The following SLC10A7 variants were observed in gnomAD, a reference collection of about 807,000 sequenced individuals.
The protein encoded by SLC10A7 is solute carrier family 10 member 7, also known as sodium/bile acid cotransporter 7.
A neutral mutation model predicts 43.2 loss-of-function variants in SLC10A7; 29 were observed. The observed-to-expected ratio is 0.67, with a 90% confidence interval of 0.50 to 0.92. The LOEUF (loss-of-function observed/expected upper bound fraction) is 0.92. Ranked by LOEUF, SLC10A7 falls within the 40% of genes least tolerant of loss-of-function variation. SLC10A7 has a pLI of 0.00. For missense variants in SLC10A7, 295 were observed against 403.2 expected (o/e 0.73, Z 2.30); for synonymous variants, 152 against 144.8 (o/e 1.05, Z -0.35).
At chr4:146,379,060 A>T (rs1190439547) in intron 5 of SLC10A7, among the ~76,000 whole-genome samples, 3 of 152,216 alleles carry the variant, frequency 2.0e-5, no homozygotes, top group Non-Finnish European at 4.4e-5. Context: ...CTTTGACCCA[A>T]CTTCTGACCT....
intron 4 of SLC10A7, among the ~76,000 whole-genome samples, chr4:146,476,452 C>A (rs1467155890): frequency 1.3e-5 from 2 of 152,068 alleles, no homozygotes; most frequent in Non-Finnish European, 2.9e-5. Flanking sequence ...ACCTTTCAGT[C>A]TTCTCTTTAG....
chr4:146,331,083 A>G (rs1288660497), intron 5 of SLC10A7, among the ~76,000 whole-genome samples: 1 of 152,076 alleles, frequency 6.6e-6, no homozygotes, highest in Non-Finnish European at 1.5e-5. Context: ...ACCCTACAGT[A>G]AGTTTTCTCT....
intron 2 of SLC10A7, among the ~76,000 whole-genome samples, chr4:146,510,823 T>G (rs528720464): frequency 6.6e-6 from 1 of 152,342 alleles, no homozygotes; most frequent in South Asian, 2.1e-4. Context: ...AGTCCTCAAT[T>G]TGGCAAGATG....
chr4:146,354,432 A>C (rs575911911), intron 5 of SLC10A7, among the ~76,000 whole-genome samples: 1 of 152,072 alleles, frequency 6.6e-6, no homozygotes, highest in South Asian at 2.1e-4. Flanking sequence ...ATGGGTAGGA[A>C]GAATCAATAT....
At position 146,477,467 on chromosome 4, in the gene SLC10A7, C is replaced by T. The variant is rs962111636; in HGVS notation, c.396+26382G>A. Reference sequence around the variant, plus strand: ...TAATTAGAGTTTTACTCATCCCTTGCATAAATTCAGCTGAAAGTTTTTAGG... The same window carrying T: ...TAATTAGAGTTTTACTCATCCCTTGTATAAATTCAGCTGAAAGTTTTTAGG... On this transcript the variant is annotated intron_variant, in intron 4 of 11. Transcript: ENST00000335472. Among the ~76,000 whole-genome samples, 3 of 152,190 alleles carry T rather than the reference C, an allele frequency of 2.0e-5. No individual in the cohort carries two copies. In the East Asian group the frequency reaches 5.8e-4, roughly 29 times the overall value.
intron 5 of SLC10A7, among the ~76,000 whole-genome samples, chr4:146,363,078 AT>A (rs1211428591): frequency 6.6e-6 from 1 of 152,108 alleles, no homozygotes; most frequent in Non-Finnish European, 1.5e-5. Flanking sequence ...GGCTAAGTAG[AT>A]TTTTTAAAAC....
intron 4 of SLC10A7, among the ~76,000 whole-genome samples, chr4:146,482,752 C>T (rs1734583092): frequency 6.6e-6 from 1 of 151,966 alleles, no homozygotes; most frequent in African/African-American, 2.4e-5. Flanking sequence ...TCAAAGTTCC[C>T]AAATTGATCA....
intron 2 of SLC10A7, chr4:146,514,424 A>G (rs1737764295): frequency 6.6e-6 from 1 of 152,238 alleles, no homozygotes; most frequent in Non-Finnish European, 1.5e-5. Context: ...AGTGAACTAA[A>G]TATGAATTTT....
intron 10 of SLC10A7, among the ~76,000 whole-genome samples, chr4:146,270,838 G>C (rs1244346687): frequency 6.6e-6 from 1 of 152,214 alleles, no homozygotes; most frequent in Non-Finnish European, 1.5e-5. Context: ...GCATTAATAA[G>C]GCAAATTAAG....
chr4:146,334,046 G>T (rs138368739), intron 5 of SLC10A7, among the ~76,000 whole-genome samples: 74 of 152,114 alleles, frequency 4.9e-4, no homozygotes, highest in African/African-American at 1.6e-3. Flanking sequence ...ACAGAAGGAA[G>T]AACAGTTTCT....
intron 5 of SLC10A7, among the ~76,000 whole-genome samples, chr4:146,363,477 A>T (rs890046016): frequency 1.3e-5 from 2 of 152,090 alleles, no homozygotes; most frequent in African/African-American, 4.8e-5. Context: ...CAACAAAGAA[A>T]TATCAATCTG....
rs367603430 is a variant in SLC10A7, at chr4:146,325,932, T to C, written c.471+29A>G. On this transcript the variant is annotated intron_variant, in intron 6 of 11. Transcript: ENST00000335472. ...GGGTTGTAGATAGCTTTTAATAAAA[T>C]ATATTAAAGACAACATCAAAATACT... 4 of 1,595,166 alleles carry C rather than the reference T, an allele frequency of 2.5e-6. No homozygotes were observed. In the African/African-American group the frequency reaches 5.4e-5, roughly 22 times the overall value.
At chr4:146,451,070 T>C (rs1731540834) in intron 4 of SLC10A7, among the ~76,000 whole-genome samples, 1 of 151,242 alleles carries the variant, frequency 6.6e-6, no homozygotes, top group South Asian at 2.1e-4. Context: ...GGCAAAACTT[T>C]AACACTTTTA....
At chr4:146,317,103 T>G (rs923623092) in intron 6 of SLC10A7, among the ~76,000 whole-genome samples, 1 of 152,062 alleles carries the variant, frequency 6.6e-6, no homozygotes, top group Non-Finnish European at 1.5e-5. Flanking sequence ...TCTCTACAAA[T>G]AGAGTGTGAG....
At position 146,361,531 on chromosome 4, in the gene SLC10A7, C is replaced by A. The variant is rs573395429; in HGVS notation, c.436-35535G>T. Among the ~76,000 whole-genome samples, 7 of 152,184 alleles carry A rather than the reference C, an allele frequency of 4.6e-5. No homozygotes were observed. The South Asian group carries it at 1.0e-3, about 23-fold the overall frequency. On this transcript the variant is annotated intron_variant, in intron 5 of 11. Coordinates refer to ENST00000335472, the MANE Select transcript of SLC10A7 (RefSeq NM_001029998.6). Reference sequence around the variant, plus strand: ...CAGTATTGCTGGGCTTATGGCACCCCCCTAGTGCTGAAATGGCTGCAGTGA... The same window carrying A: ...CAGTATTGCTGGGCTTATGGCACCCACCTAGTGCTGAAATGGCTGCAGTGA...
At chr4:146,326,343 T>A (rs985757231) in intron 5 of SLC10A7, among the ~76,000 whole-genome samples, 1 of 152,188 alleles carries the variant, frequency 6.6e-6, no homozygotes, top group African/African-American at 2.4e-5. Flanking sequence ...CTAACTTGGA[T>A]AAAATGCCCC....
intron 5 of SLC10A7, among the ~76,000 whole-genome samples, chr4:146,330,771 G>C (rs1402886875): frequency 6.6e-6 from 1 of 152,144 alleles, no homozygotes; most frequent in Admixed American, 6.5e-5. Flanking sequence ...ATACAGATGG[G>C]AACTGTGATG....
intron 7 of SLC10A7, among the ~76,000 whole-genome samples, chr4:146,305,091 C>G (rs1489069862): frequency 3.3e-5 from 5 of 151,050 alleles, no homozygotes; most frequent in Middle Eastern, 3.4e-3. Context: ...ACCCAAAGGA[C>G]TATAAGTCAT....
At chr4:146,262,408 G>C (rs1051481732) in intron 10 of SLC10A7, among the ~76,000 whole-genome samples, 2 of 152,202 alleles carry the variant, frequency 1.3e-5, no homozygotes, top group Non-Finnish European at 2.9e-5. Context: ...CTCAATTGTT[G>C]AGAGAGGTTG....
Sources: allele counts gnomAD v4.1 joint callset (sites outside exome capture counted in the v4.1 genomes callset), GRCh38; gene constraint gnomAD v4.1.1; transcripts MANE v1.5; gene names NCBI Gene and HGNC (gene_info 2026-07-23, HGNC 2026-07-21).